The following DPP10 variants were observed in gnomAD, a reference collection of about 807,000 sequenced individuals.
DPP10 encodes the protein dipeptidyl peptidase like 10.
A neutral mutation model predicts 120.9 loss-of-function variants in DPP10; 33 were observed. The ratio of observed to expected loss-of-function variants is 0.27; its 90% CI spans 0.21 to 0.37. DPP10 has a LOEUF of 0.37. DPP10 is among the 10% of genes least tolerant of loss of function. The probability of loss-of-function intolerance (pLI) is 1.00; values close to 1 mark genes in which losing one functional copy is unlikely to be tolerated. For synonymous variants in DPP10, 337 were observed against 326.1 expected, an observed-to-expected ratio of 1.03 and a Z score of -0.36; for missense variants, 816 against 942.8, an observed-to-expected ratio of 0.87 and a Z score of 1.76.
At chr2:115,103,427 A>G (rs1334021205) in intron 1 of DPP10, among the ~76,000 whole-genome samples, 1 of 152,022 alleles carries the variant, frequency 6.6e-6, no homozygotes, top group African/African-American at 2.4e-5. Context: ...TGACCTCGGG[A>G]TCCGCCTGCC....
intron 7 of DPP10, among the ~76,000 whole-genome samples, chr2:115,726,230 C>A (rs1270297165): frequency 6.6e-6 from 1 of 152,106 alleles, no homozygotes; most frequent in Non-Finnish European, 1.5e-5. Context: ...TGTACTCTAC[C>A]AGACAAAACG....
intron 1 of DPP10, among the ~76,000 whole-genome samples, chr2:115,086,854 A>G (rs1030927663): frequency 2.0e-5 from 3 of 152,106 alleles, no homozygotes; most frequent in Non-Finnish European, 4.4e-5. Context: ...ACATGTCAGG[A>G]CCTCCTGAGA....
At chr2:115,783,680 T>C (rs1683022822) in intron 17 of DPP10, among the ~76,000 whole-genome samples, 1 of 152,178 alleles carries the variant, frequency 6.6e-6, no homozygotes, top group Admixed American at 6.5e-5. Context: ...AAAAAGATTA[T>C]GTTAAGCAAA....
At chr2:115,199,351 GA>G (rs1322388306) in intron 1 of DPP10, among the ~76,000 whole-genome samples, 11 of 152,032 alleles carry the variant, frequency 7.2e-5, no homozygotes, top group African/African-American at 2.7e-4. Context: ...ATGTAGTGTA[GA>G]GACTATCACT....
At chr2:115,198,668 T>G (rs772986291) in intron 1 of DPP10, among the ~76,000 whole-genome samples, 1 of 152,196 alleles carries the variant, frequency 6.6e-6, no homozygotes, top group Non-Finnish European at 1.5e-5. Context: ...ACTTATTTAT[T>G]CTCTTCATTG....
chr2:114,796,757 T>C (rs148881544), intron 1 of DPP10, among the ~76,000 whole-genome samples: 2 of 152,340 alleles, frequency 1.3e-5, no homozygotes, highest in Non-Finnish European at 2.9e-5. Flanking sequence ...GGCTGTTTCC[T>C]ATGTGCAAGT....
intron 5 of DPP10, among the ~76,000 whole-genome samples, chr2:115,632,900 A>G (rs998863582): frequency 1.2e-4 from 18 of 152,200 alleles, no homozygotes; most frequent in Non-Finnish European, 1.5e-4. Context: ...CACACCAGTT[A>G]GAATGGCAGT....
intron 12 of DPP10, among the ~76,000 whole-genome samples, chr2:115,763,406 C>T (rs567140074): frequency 6.6e-6 from 1 of 152,226 alleles, no homozygotes; most frequent in East Asian, 1.9e-4. Flanking sequence ...TCATACTCCC[C>T]AGGTCTAAGC....
chr2:114,511,986 A>C (rs1189914378), intron 1 of DPP10, among the ~76,000 whole-genome samples: 1 of 152,248 alleles, frequency 6.6e-6, no homozygotes, highest in Non-Finnish European at 1.5e-5. Flanking sequence ...AAAGGCAACT[A>C]TCAAAACAAT....
intron 13 of DPP10, among the ~76,000 whole-genome samples, chr2:115,769,186 G>A (rs1393906371): frequency 1.3e-5 from 2 of 151,948 alleles, no homozygotes; most frequent in African/African-American, 2.4e-5. Flanking sequence ...CAGGTTAAAG[G>A]CTTTCTAATG....
At chr2:115,324,559 G>A (rs1434867063) in intron 2 of DPP10, among the ~76,000 whole-genome samples, 1 of 152,118 alleles carries the variant, frequency 6.6e-6, no homozygotes, top group Non-Finnish European at 1.5e-5. Flanking sequence ...AAGAGAGTTA[G>A]GACCTTACTC....
At chr2:115,514,028 G>A (rs193292250) in intron 4 of DPP10, among the ~76,000 whole-genome samples, 13 of 151,958 alleles carry the variant, frequency 8.6e-5, no homozygotes, top group South Asian at 2.1e-4. Flanking sequence ...AGTTTAGCTC[G>A]ATATAGAATT....
At chr2:115,295,348 A>C (rs893722070) in intron 1 of DPP10, among the ~76,000 whole-genome samples, 3 of 152,116 alleles carry the variant, frequency 2.0e-5, no homozygotes, top group Non-Finnish European at 2.9e-5. Context: ...AGTTTATTTA[A>C]TTATTCCTGG....
At chr2:114,872,772 A>T (rs1163788661) in intron 1 of DPP10, among the ~76,000 whole-genome samples, 1 of 152,178 alleles carries the variant, frequency 6.6e-6, no homozygotes, top group Non-Finnish European at 1.5e-5. Context: ...ATCACTGGAG[A>T]TCTTCCTTGC....
chr2:115,592,970 C>G (rs75166674), intron 5 of DPP10, among the ~76,000 whole-genome samples: 20,003 of 151,980 alleles, frequency 0.13, 1,881 homozygotes, highest in African/African-American at 0.27. Flanking sequence ...TTGGTACCTA[C>G]TTTGAAACTT....
intron 5 of DPP10, among the ~76,000 whole-genome samples, chr2:115,657,823 C>A (rs1041779784): frequency 6.6e-6 from 1 of 151,808 alleles, no homozygotes; most frequent in Admixed American, 6.6e-5. Context: ...AAAACCATTA[C>A]AAAATTCTCT....
At chr2:115,118,509 T>C (rs1559115995) in intron 1 of DPP10, among the ~76,000 whole-genome samples, 1 of 152,132 alleles carries the variant, frequency 6.6e-6, no homozygotes, top group Admixed American at 6.6e-5. Context: ...AGGAAAAAAT[T>C]TGGCTGAGGG....
intron 1 of DPP10, among the ~76,000 whole-genome samples, chr2:115,269,092 A>G (rs1431895042): frequency 6.6e-6 from 1 of 152,210 alleles, no homozygotes; most frequent in Non-Finnish European, 1.5e-5. Flanking sequence ...GTTTGCAGTG[A>G]GCGGAGACCA....
chr2:115,664,723 A>G (rs2089302655), intron 5 of DPP10, among the ~76,000 whole-genome samples: 1 of 152,286 alleles, frequency 6.6e-6, no homozygotes, highest in South Asian at 2.1e-4. Context: ...AACTGGGTTC[A>G]TGATGCAGGA....
Sources: allele counts gnomAD v4.1 joint callset (sites outside exome capture counted in the v4.1 genomes callset), GRCh38; gene constraint gnomAD v4.1.1; transcripts MANE v1.5; gene names NCBI Gene and HGNC (gene_info 2026-07-23, HGNC 2026-07-21).